MTRF1: variants seen among roughly 807,000 people sequenced by gnomAD.
MTRF1 encodes the protein mitochondrial translation release factor 1.
A neutral mutation model predicts 62.9 loss-of-function variants in MTRF1; 51 were observed. The observed-to-expected ratio is 0.81, with a 90% CI of 0.65 to 1.02. The LOEUF is 1.02. Ranked by LOEUF, MTRF1 falls within the 50% of genes least tolerant of loss-of-function variation. MTRF1 has a pLI of 0.00. For synonymous variants in MTRF1, 158 were observed against 181.9 expected (o/e 0.87, Z 1.06); for missense variants, 446 against 530.0 (o/e 0.84, Z 1.56).
Position 41,233,225 on chromosome 13 carries a change from T to C in MTRF1, c.988+665A>G, listed in dbSNP as rs536649741. Among the ~76,000 whole-genome samples the C allele has an allele frequency of 2.0e-5, 3 of 152,206 alleles. No homozygotes were observed. The South Asian group carries it at 6.2e-4, about 32-fold the overall frequency. On this transcript the variant is annotated intron_variant, in intron 7 of 9. Transcript: ENST00000379480. ...GGTTCATTTGTTTGTTTTTTGCAGC[T>C]AGAGAAGTGAGTAAAAAGAATTTAA...
chr13:41,290,614 C>T, the MTRF1 span, among the ~76,000 whole-genome samples: 466 of 131,822 alleles, frequency 3.5e-3, no homozygotes, highest in Middle Eastern at 0.074. Context: ...AGGCTGGTCT[C>T]GAACTCCTGA....
chr13:41,220,549 G>T (rs1414401326), intron 9 of MTRF1: 2 of 1,277,968 alleles, frequency 1.6e-6, no homozygotes. Flanking sequence ...AACAGAAGAA[G>T]TCATAATGAG....
the MTRF1 span, among the ~76,000 whole-genome samples, chr13:41,285,010 T>C: frequency 6.6e-6 from 1 of 152,198 alleles, no homozygotes; most frequent in Non-Finnish European, 1.5e-5. Context: ...CATGGCAACA[T>C]CATCTCCCTG....
the MTRF1 span, among the ~76,000 whole-genome samples, chr13:41,272,897 G>C: frequency 6.6e-6 from 1 of 152,080 alleles, no homozygotes; most frequent in Non-Finnish European, 1.5e-5. Flanking sequence ...ATAAACTTTA[G>C]ATCTTGACCA....
chr13:41,230,832 C>T (rs1386447279), intron 7 of MTRF1, among the ~76,000 whole-genome samples: 2 of 151,704 alleles, frequency 1.3e-5, no homozygotes, highest in African/African-American at 4.8e-5. Flanking sequence ...AACTGATTCT[C>T]CTGCCTCAGC....
chr13:41,287,408 C>T, the MTRF1 span, among the ~76,000 whole-genome samples: 402 of 151,106 alleles, frequency 2.7e-3, 1 homozygote, highest in African/African-American at 9.3e-3. Context: ...GGTGCCAAGC[C>T]ATTCATGAGG....
chr13:41,234,011 GA>G lies in MTRF1; in HGVS notation c.871-5del. On this transcript the variant is annotated splice_region_variant and splice_polypyrimidine_tract_variant and intron_variant, in intron 6 of 9. Transcript: ENST00000379480. ...TGGGGTCCAATTTCACATCCACCTA[GA>G]ACAGAAGGCATGGCATAATTCTACA... 6.3e-7 allele frequency: 1 copy of G among 1,595,192 alleles called. No individual in the cohort carries two copies. Among genetic ancestry groups the G allele is most frequent in the Middle Eastern group, 1.7e-4 (1 of 6,022 alleles).
At chr13:41,286,821 G>A in the MTRF1 span, among the ~76,000 whole-genome samples, 2 of 152,152 alleles carry the variant, frequency 1.3e-5, no homozygotes, top group Non-Finnish European at 2.9e-5. Context: ...CCAAAGAGCT[G>A]AGTTTGTTAT....
At chr13:41,311,320 G>T in the MTRF1 span, 1 of 555,018 alleles carries the variant, frequency 1.8e-6, no homozygotes, top group Non-Finnish European at 3.1e-6. Flanking sequence ...GAGCCCAGGG[G>T]AAGCGTGTCC....
the MTRF1 span, among the ~76,000 whole-genome samples, chr13:41,275,239 T>C: frequency 2.6e-5 from 4 of 152,086 alleles, no homozygotes; most frequent in South Asian, 4.1e-4. Context: ...CTCGCTCTGT[T>C]GCCCAGGCTG....
At chr13:41,282,137 CAA>C in the MTRF1 span, among the ~76,000 whole-genome samples, 16 of 79,368 alleles carry the variant, frequency 2.0e-4, no homozygotes, top group East Asian at 3.7e-4. Flanking sequence ...GACTCCGTCT[CAA>C]AAAAAAAAAA....
the MTRF1 span, among the ~76,000 whole-genome samples, chr13:41,283,018 G>A: frequency 6.6e-6 from 1 of 152,186 alleles, no homozygotes; most frequent in Non-Finnish European, 1.5e-5. Context: ...AAGCTGATTT[G>A]TTTTTACTTT....
intron 5 of MTRF1, among the ~76,000 whole-genome samples, chr13:41,244,437 C>A (rs1426126046): frequency 6.6e-6 from 1 of 152,124 alleles, no homozygotes; most frequent in Admixed American, 6.6e-5. Flanking sequence ...GGTTTCAAAT[C>A]TTTTATTTCT....
chr13:41,265,943 G>A (rs1436139060), upstream of MTRF1, among the ~76,000 whole-genome samples: 2 of 151,858 alleles, frequency 1.3e-5, no homozygotes, highest in East Asian at 1.9e-4. Context: ...TCTGTCTCCC[G>A]GATTCAAGCA....
the MTRF1 span, among the ~76,000 whole-genome samples, chr13:41,296,705 G>A: frequency 6.6e-6 from 1 of 151,660 alleles, no homozygotes; most frequent in Non-Finnish European, 1.5e-5. Context: ...ATTTTTGATT[G>A]CTATGTTAAA....
the MTRF1 span, among the ~76,000 whole-genome samples, chr13:41,308,936 T>C: frequency 6.6e-6 from 1 of 152,212 alleles, no homozygotes; most frequent in Non-Finnish European, 1.5e-5. Context: ...CCATGGGTAC[T>C]CAGTGTTTAT....
chr13:41,311,995 T>G, the MTRF1 span, among the ~76,000 whole-genome samples: 1 of 152,222 alleles, frequency 6.6e-6, no homozygotes, highest in East Asian at 1.9e-4. Flanking sequence ...CGTTCTGCAT[T>G]CTCTGCTTTG....
intron 9 of MTRF1, chr13:41,220,742 A>T: frequency 1.9e-5 from 9 of 467,182 alleles, no homozygotes; most frequent in South Asian, 5.5e-5. Context: ...TTCTCTTCTC[A>T]CTGAAGATGC....
intron 6 of MTRF1, among the ~76,000 whole-genome samples, chr13:41,237,499 G>A (rs2036846220): frequency 6.6e-6 from 1 of 151,912 alleles, no homozygotes; most frequent in Non-Finnish European, 1.5e-5. Flanking sequence ...CTCACACTAT[G>A]CATTCTTTTT....
Sources: allele counts gnomAD v4.1 joint callset (sites outside exome capture counted in the v4.1 genomes callset), GRCh38; gene constraint gnomAD v4.1.1; transcripts MANE v1.5; gene names NCBI Gene and HGNC (gene_info 2026-07-23, HGNC 2026-07-21).